NAV2: variants seen among roughly 807,000 people sequenced by gnomAD.
NAV2 encodes neuron navigator 2.
A neutral mutation model predicts 223.2 loss-of-function variants in NAV2; 54 were observed. That is an observed-to-expected ratio of 0.24 (90% CI 0.19 to 0.30). NAV2 has a LOEUF of 0.30. NAV2 is among the 10% of genes least tolerant of loss of function. The pLI, the probability that NAV2 is intolerant of heterozygous loss-of-function variation, is 1.00. For missense variants in NAV2, 2,806 were observed against 3,147.5 expected (o/e 0.89, Z 2.60); for synonymous variants, 1,279 against 1,239.3 (o/e 1.03, Z -0.67).
chr11:20,062,487 T>C, intron 20 of NAV2, 128 bp downstream of exon 20: 1 of 687,972 alleles, frequency 1.5e-6, no homozygotes, highest in South Asian at 2.2e-5. Flanking sequence ...ATCAATTAAT[T>C]AGGGAACAAG....
At chr11:20,107,388 C>T in intron 35 of NAV2, 1 of 397,596 alleles carries the variant, frequency 2.5e-6, no homozygotes, top group Non-Finnish European at 4.6e-6. Flanking sequence ...GCATGGGCTT[C>T]CATTTTTAAA....
chr11:19,673,855 A>G (rs896229606), intron 1 of NAV2, among the ~76,000 whole-genome samples: 1 of 152,158 alleles, frequency 6.6e-6, no homozygotes, highest in African/African-American at 2.4e-5. Context: ...AGCAAGCCCT[A>G]TTAGAAACAA....
At chr11:19,975,584 A>G (rs2049646065) in intron 10 of NAV2, among the ~76,000 whole-genome samples, 1 of 152,228 alleles carries the variant, frequency 6.6e-6, no homozygotes, top group African/African-American at 2.4e-5. Flanking sequence ...ACCACCACAC[A>G]GAAATTCTCC....
chr11:19,963,466 G>C (rs2048509158), intron 10 of NAV2, among the ~76,000 whole-genome samples: 1 of 152,220 alleles, frequency 6.6e-6, no homozygotes, highest in East Asian at 1.9e-4. Flanking sequence ...CAAAAAGGAA[G>C]AGTGTGCACC....
Position 20,022,545 on chromosome 11 carries a change from C to G in NAV2, c.2769-13414C>G, listed in dbSNP as rs138022205. On this transcript the variant is annotated intron_variant, in intron 11 of 37. Coordinates refer to ENST00000349880, the MANE Select transcript of NAV2 (RefSeq NM_145117.5). ...TTTCCTTTTTAGGTTCAGAAATTCT[C>G]TCTGTAGGCTAATCTTTTCAATCGA... 76 of 985,376 alleles carry G rather than the reference C, an allele frequency of 7.7e-5. No individual in the cohort carries two copies. In the African/African-American group the frequency reaches 1.2e-3, roughly 15 times the overall value. The allele number at this position is 985,376 out of a possible 1,614,324, so 61.0% of individuals were successfully genotyped here. A position where few individuals can be genotyped will look rare whatever the true frequency, so the allele number is the denominator to read the frequency against.
chr11:19,608,630 T>G (rs998824416), intron 1 of NAV2, among the ~76,000 whole-genome samples: 23 of 152,380 alleles, frequency 1.5e-4, no homozygotes, highest in African/African-American at 5.5e-4. Flanking sequence ...CACACACAAG[T>G]ACTCCCATAA....
intron 10 of NAV2, among the ~76,000 whole-genome samples, chr11:19,961,063 T>G (rs1279269088): frequency 6.6e-6 from 1 of 152,078 alleles, no homozygotes; most frequent in Non-Finnish European, 1.5e-5. Flanking sequence ...CTTTGCATAG[T>G]TCTCATCTAG....
intron 1 of NAV2, among the ~76,000 whole-genome samples, chr11:19,570,680 A>G (rs1172113614): frequency 6.6e-6 from 1 of 152,242 alleles, no homozygotes; most frequent in Non-Finnish European, 1.5e-5. Flanking sequence ...AAGCACATGG[A>G]AAGATGCTAA....
chr11:20,103,243 T>C lies in NAV2; in HGVS notation c.6418-12T>C, dbSNP rs553395107. 6 of 1,607,614 alleles carry C rather than the reference T, an allele frequency of 3.7e-6. No homozygotes were observed. In the African/African-American group the frequency reaches 6.7e-5, roughly 18 times the overall value. The stretch of plus-strand genomic sequence containing the variant: ...CCCACTTGTTCTCCTTCGGCCTTCC[T>C]GGCCACCATAGGAATTGCGCCAGTA... On this transcript the variant is annotated splice_polypyrimidine_tract_variant and intron_variant, in intron 32 of 37. Transcript: ENST00000349880.
intron 6 of NAV2, among the ~76,000 whole-genome samples, chr11:19,915,475 C>A (rs1012921867): frequency 4.6e-5 from 7 of 152,208 alleles, no homozygotes; most frequent in Non-Finnish European, 1.0e-4. Context: ...TCACTGGAAG[C>A]TTCTGCCATA....
intron 26 of NAV2, among the ~76,000 whole-genome samples, chr11:20,086,978 C>A (rs1239589361): frequency 6.6e-6 from 1 of 152,082 alleles, no homozygotes; most frequent in Non-Finnish European, 1.5e-5. Flanking sequence ...GTGTCGAAAG[C>A]TGGGCAACTG....
chr11:19,741,879 A>G (rs972196981), intron 1 of NAV2, among the ~76,000 whole-genome samples: 11 of 151,728 alleles, frequency 7.2e-5, no homozygotes, highest in African/African-American at 2.4e-4. Flanking sequence ...CAGAAGGGGG[A>G]TTGCTGGGTC....
intron 1 of NAV2, among the ~76,000 whole-genome samples, chr11:19,805,772 C>T (rs376694012): frequency 2.1e-4 from 32 of 152,300 alleles, no homozygotes; most frequent in African/African-American, 6.7e-4. Flanking sequence ...CTTTACCAAA[C>T]GTACTTCTCA....
chr11:19,870,769 A>G (rs1464888307), intron 4 of NAV2, among the ~76,000 whole-genome samples: 3 of 152,224 alleles, frequency 2.0e-5, no homozygotes, highest in Non-Finnish European at 2.9e-5. Context: ...TAAAGAGGTT[A>G]TGAGCGGCAT....
At chr11:19,960,039 C>T (rs748970995) in intron 10 of NAV2, among the ~76,000 whole-genome samples, 1 of 152,122 alleles carries the variant, frequency 6.6e-6, no homozygotes, top group Non-Finnish European at 1.5e-5. Flanking sequence ...TCAACATGAC[C>T]GAGACTCTGC....
intron 22 of NAV2, among the ~76,000 whole-genome samples, chr11:20,069,604 G>C (rs1483856878): frequency 6.6e-6 from 1 of 152,156 alleles, no homozygotes. Flanking sequence ...AGCTCAGAGG[G>C]CAGAGCCTGA....
At chr11:19,564,797 G>A (rs1472089949) in intron 1 of NAV2, among the ~76,000 whole-genome samples, 1 of 152,190 alleles carries the variant, frequency 6.6e-6, no homozygotes, top group African/African-American at 2.4e-5. Flanking sequence ...CAAAGAGGTC[G>A]GGTGACTTGC....
At chr11:19,605,216 T>C (rs941201688) in intron 1 of NAV2, among the ~76,000 whole-genome samples, 5 of 152,084 alleles carry the variant, frequency 3.3e-5, no homozygotes, top group Non-Finnish European at 7.4e-5. Context: ...GATATTTACT[T>C]AGGAAAGAAA....
At position 19,884,459 on chromosome 11, in the gene NAV2, CT is replaced by C. The variant is rs2063409937; in HGVS notation, c.770+4333del. The C allele has an allele frequency of 3.5e-4, 355 of 1,004,346 alleles. 4 individuals are homozygous for C. In the South Asian group the frequency reaches 4.8e-3, roughly 14 times the overall value. 62.2% of individuals were successfully genotyped at this position (1,004,346 alleles called of 1,614,324 possible). On this transcript the variant is annotated intron_variant, in intron 5 of 37. Transcript: ENST00000349880. Reference sequence around the variant, plus strand: ...GGCTGAGTTTGCCTTTGGTCCTCTCCTCGTTTCATGTTTGCAGTTCGAGAAA... The same window carrying C: ...GGCTGAGTTTGCCTTTGGTCCTCTCCCGTTTCATGTTTGCAGTTCGAGAAA...
Sources: allele counts gnomAD v4.1 joint callset (sites outside exome capture counted in the v4.1 genomes callset), GRCh38; gene constraint gnomAD v4.1.1; transcripts MANE v1.5; gene names NCBI Gene and HGNC (gene_info 2026-07-23, HGNC 2026-07-21).